SLC1A6: variants seen among roughly 807,000 people sequenced by gnomAD.
SLC1A6 encodes the protein excitatory amino acid transporter 4.
SLC1A6 carries 15 observed loss-of-function variants against 42.1 expected under a neutral mutation model. The observed-to-expected ratio is 0.36, with a 90% confidence interval of 0.24 to 0.55. SLC1A6 has a LOEUF of 0.55. Ranked by LOEUF, SLC1A6 falls within the 20% of genes least tolerant of loss-of-function variation. The pLI is 0.88. For synonymous variants in SLC1A6, 317 were observed against 319.7 expected (o/e 0.99, Z 0.09); for missense variants, 542 against 772.5 (o/e 0.70, Z 3.54).
chr19:14,952,999 C>T lies in SLC1A6; in HGVS notation c.1428G>A (p.Met476Ile). 6.2e-7 allele frequency: 1 copy of T among 1,614,022 alleles called. No homozygotes were observed. The highest frequency in any genetic ancestry group is 8.5e-7 in the Non-Finnish European group (1 of 1,179,986). Reference sequence around the variant, plus strand: ...AGCCGACCGACGTAAGCACAATGACCATGGTGACCAGACCCGCCTGGGGGA... The same window carrying T: ...AGCCGACCGACGTAAGCACAATGACTATGGTGACCAGACCCGCCTGGGGGA... The part of the protein sequence containing the change: ...AGIPQAGLVT[M>I]VIVLTSVGLP... Residue 476 changes from methionine (M) to isoleucine (I), a missense_variant, in exon 9 of 10, where the codon ATG becomes ATA. By Grantham distance (10) the Met-to-Ile change is conservative. This residue lies in a region of SLC1A6 where 54 missense variants were observed against 125.1 expected (regional missense o/e 0.43). Coordinates refer to ENST00000594383, the MANE Select transcript of SLC1A6 (RefSeq NM_005071.3).
chr19:15,002,168 C>A (rs769285828), intron 1 of SLC1A6, among the ~76,000 whole-genome samples: 8 of 152,114 alleles, frequency 5.3e-5, no homozygotes, highest in Non-Finnish European at 1.0e-4. Context: ...TAGCTCACTG[C>A]AGCCTCCATC....
intron 9 of SLC1A6, among the ~76,000 whole-genome samples, chr19:14,952,228 T>C (rs2145161833): frequency 6.8e-6 from 1 of 147,524 alleles, no homozygotes; most frequent in East Asian, 2.1e-4. Flanking sequence ...TTGCTTAAGC[T>C]AAGGAGTTCA....
chr19:14,999,001 C>T (rs1017589140), intron 1 of SLC1A6, among the ~76,000 whole-genome samples: 1 of 151,940 alleles, frequency 6.6e-6, no homozygotes, highest in Non-Finnish European at 1.5e-5. Flanking sequence ...CCTCAGCCTC[C>T]CGAGTAGCTG....
rs779008749 is a variant in SLC1A6 at position 14,972,731 on chromosome 19, CA to C, written c.179del (p.Leu60ArgfsTer2). 1 of 1,613,994 alleles carries C rather than the reference CA, an allele frequency of 6.2e-7. No individual in the cohort carries two copies. The highest frequency in any genetic ancestry group is 8.5e-7 in the Non-Finnish European group (1 of 1,180,018). ...CAATGACCACGGCGCTGACCGTCAG[CA>C]GAATGAAGGCGTTTCGGCGCAGGAA... is the stretch of plus-strand genomic sequence containing the variant. ...LRFLRRNAFI[L>X]LTVSAVVIGV... On this transcript the variant is annotated frameshift_variant, in exon 2 of 10. Coordinates refer to ENST00000594383, the MANE Select transcript of SLC1A6 (RefSeq NM_005071.3). LOFTEE classifies it high-confidence loss of function.
At chr19:14,970,853 C>T (rs538390346) in intron 3 of SLC1A6, among the ~76,000 whole-genome samples, 5 of 152,050 alleles carry the variant, frequency 3.3e-5, no homozygotes, top group South Asian at 4.1e-4. Flanking sequence ...ACATGTGAGC[C>T]GGGCGTGGTG....
chr19:14,954,058 C>G, intron 8 of SLC1A6, 77 bp downstream of exon 8: 3 of 933,872 alleles, frequency 3.2e-6, no homozygotes, highest in Non-Finnish European at 3.3e-6. Flanking sequence ...GCCCCCTCCT[C>G]CCTCCCCAAC....
At position 14,956,465 on chromosome 19, in the gene SLC1A6, C is replaced by A. The variant is rs1004332661; in HGVS notation, c.1169+11G>T. 1.9e-6 allele frequency: 3 copies of A among 1,541,316 alleles called. No homozygotes were observed. The African/African-American group carries it at 4.1e-5, about 21-fold the overall frequency. The stretch of plus-strand genomic sequence containing the variant: ...CCAGGAATGGTGCTGGGGTGGGGAG[C>A]AAGGCCATACCTGGAAGACGTGCCC... On this transcript the variant is annotated intron_variant, in intron 7 of 9. Transcript: ENST00000594383.
upstream of SLC1A6, among the ~76,000 whole-genome samples, chr19:14,982,876 A>G (rs2045774832): frequency 6.6e-6 from 1 of 152,228 alleles, no homozygotes; most frequent in South Asian, 2.1e-4. Context: ...AAATAAACCT[A>G]CTACATGTTA....
At chr19:15,001,069 CCA>C (rs1568302227) in intron 1 of SLC1A6, among the ~76,000 whole-genome samples, 3 of 152,184 alleles carry the variant, frequency 2.0e-5, no homozygotes, top group African/African-American at 7.2e-5. Flanking sequence ...CTTGGTTGGT[CCA>C]CACACATGGA....
intron 1 of SLC1A6, chr19:14,977,273 T>C (rs918546392): frequency 1.3e-5 from 2 of 152,140 alleles, no homozygotes; most frequent in Non-Finnish European, 2.9e-5. Flanking sequence ...GGTCTGCTAG[T>C]CAAATTCAGC....
At chr19:14,967,760 AC>A (rs2045590517) in intron 4 of SLC1A6, among the ~76,000 whole-genome samples, 1 of 152,190 alleles carries the variant, frequency 6.6e-6, no homozygotes, top group African/African-American at 2.4e-5. Flanking sequence ...TAAAATAATT[AC>A]AACTCATCAG....
intron 1 of SLC1A6, chr19:14,977,175 C>A (rs1600019656): frequency 6.6e-6 from 1 of 152,168 alleles, no homozygotes. Context: ...CAGCTAAGAT[C>A]TGAACAGTCA....
intron 4 of SLC1A6, among the ~76,000 whole-genome samples, chr19:14,966,995 G>A (rs1210653172): frequency 6.6e-6 from 1 of 152,106 alleles, no homozygotes; most frequent in African/African-American, 2.4e-5. Flanking sequence ...GTATACTTAT[G>A]TAAGAAACCT....
In SLC1A6 at chr19:14,987,935, T is replaced by G. The variant is rs1600029434; in HGVS notation, c.7-15018A>C. Among the ~76,000 whole-genome samples, 4 of 152,322 alleles carry G rather than the reference T, an allele frequency of 2.6e-5. No homozygotes were observed. In the East Asian group the frequency reaches 7.7e-4, roughly 29 times the overall value. ...GTGCAGTAGGGCAATCATAGTTTAC[T>G]GCAGCTTTGAATTCCTGGGCTCAAG... On this transcript the variant is annotated intron_variant, in intron 1 of 8. Transcript: ENST00000430939.
rs780244302 is a variant in SLC1A6, at chr19:14,956,691, G to T, written c.954C>A (p.Ile318=). Residue 318 remains isoleucine, a synonymous_variant, in exon 7 of 10, where the codon ATC becomes ATA. Coordinates refer to ENST00000594383, the MANE Select transcript of SLC1A6 (RefSeq NM_005071.3). ...GIIIWYAPVG[I]LFLIAGKILE... ...GAATCTTCCCAGCAATCAGGAACAG[G>T]ATGCCCACAGGTGCATACCTGTGTG... 2 of 1,612,590 alleles carry T rather than the reference G, an allele frequency of 1.2e-6. No homozygotes were observed. The highest frequency in any genetic ancestry group is 1.3e-5 in the African/African-American group (1 of 74,984).
intron 1 of SLC1A6, among the ~76,000 whole-genome samples, chr19:14,992,046 G>A (rs1193935472): frequency 6.6e-6 from 1 of 152,024 alleles, no homozygotes; most frequent in African/African-American, 2.4e-5. Flanking sequence ...GGCTGGTCTT[G>A]AACTCCTGAC....
intron 1 of SLC1A6, among the ~76,000 whole-genome samples, chr19:14,985,850 C>G (rs1014930864): frequency 2.0e-5 from 3 of 152,110 alleles, no homozygotes; most frequent in Non-Finnish European, 2.9e-5. Flanking sequence ...CTCAGCTACT[C>G]AGGAGGCTGA....
At chr19:15,009,073 C>CAT (rs1039537522) in intron 1 of SLC1A6, among the ~76,000 whole-genome samples, 10 of 124,490 alleles carry the variant, frequency 8.0e-5, no homozygotes, top group Admixed American at 6.7e-4. Flanking sequence ...ATCTAGATAG[C>CAT]ATATATATAT....
rs185652106 is a variant in SLC1A6, at chr19:14,969,880, T to C, written c.344-1373A>G. On this transcript the variant is annotated intron_variant, in intron 3 of 9. Transcript: ENST00000594383. ...GCTGCAATGGCAGAATCGAGTACAA[T>C]TGACCCTTGAACAGCATGGGTTTCA... 2.8e-3 allele frequency among the ~76,000 whole-genome samples: 420 copies of C among 152,288 alleles called. 1 individual carries two copies. Among genetic ancestry groups the C allele is most frequent in the African/African-American group, 9.1e-3 (380 of 41,564 alleles).
Sources: gnomAD v4.1 joint callset for allele counts (sites outside exome capture counted in the v4.1 genomes callset) on GRCh38, gnomAD v4.1.1 for gene constraint, gnomAD v4.1.1 regional missense constraint, MANE v1.5 for transcripts, NCBI Gene and HGNC (gene_info 2026-07-23, HGNC 2026-07-21) for gene names.